Variants in FMNL2 observed in about 807,000 individuals in gnomAD.
FMNL2 encodes formin like 2.
FMNL2 carries 51 observed loss-of-function variants against 130.2 expected under a neutral mutation model. The observed-to-expected ratio is 0.39, with a 90% CI of 0.31 to 0.49. The LOEUF is 0.49. FMNL2 is among the 20% of genes least tolerant of loss of function. The pLI, the probability that FMNL2 is intolerant of heterozygous loss-of-function variation, is 0.85. For synonymous variants in FMNL2, 465 were observed against 467.1 expected (o/e 1.00, Z 0.06); for missense variants, 977 against 1,316.2 (o/e 0.74, Z 3.99).
chr2:152,643,833 T>G, intron 25 of FMNL2: 2 of 985,464 alleles, frequency 2.0e-6, no homozygotes, highest in South Asian at 4.7e-5. Context: ...TCTTTGAGAA[T>G]CAGTATTGGT....
At chr2:152,408,894 G>T (rs1410247577) in intron 1 of FMNL2, among the ~76,000 whole-genome samples, 5 of 152,178 alleles carry the variant, frequency 3.3e-5, no homozygotes, top group African/African-American at 9.7e-5. Flanking sequence ...TTGGAAAATT[G>T]TAAGTCAGGG....
chr2:152,608,869 G>T (rs886154823), intron 10 of FMNL2, among the ~76,000 whole-genome samples: 1 of 151,376 alleles, frequency 6.6e-6, no homozygotes, highest in African/African-American at 2.4e-5. Flanking sequence ...AAACAATTTG[G>T]ACATGATGCA....
At chr2:152,495,033 G>A (rs1054583386) in intron 1 of FMNL2, among the ~76,000 whole-genome samples, 1 of 152,176 alleles carries the variant, frequency 6.6e-6, no homozygotes, top group African/African-American at 2.4e-5. Context: ...GAAAAACTTT[G>A]CGTTGGGGAA....
At chr2:152,534,015 T>G (rs971564525) in intron 2 of FMNL2, among the ~76,000 whole-genome samples, 56 of 152,348 alleles carry the variant, frequency 3.7e-4, no homozygotes, top group Admixed American at 2.6e-4. Context: ...AGTTTTATAA[T>G]TAAACACTAT....
At chr2:152,605,033 C>T (rs945390727) in intron 9 of FMNL2, among the ~76,000 whole-genome samples, 5 of 152,022 alleles carry the variant, frequency 3.3e-5, no homozygotes, top group African/African-American at 1.2e-4. Flanking sequence ...TGACTGATGT[C>T]ATAGTCTAGG....
intron 1 of FMNL2, among the ~76,000 whole-genome samples, chr2:152,349,195 A>G (rs1682325854): frequency 6.6e-6 from 1 of 152,208 alleles, no homozygotes; most frequent in African/African-American, 2.4e-5. Flanking sequence ...GCTTGAAGTT[A>G]TATAAGAAGG....
intron 9 of FMNL2, among the ~76,000 whole-genome samples, chr2:152,584,068 G>T (rs569029905): frequency 6.6e-6 from 1 of 151,772 alleles, no homozygotes; most frequent in Admixed American, 6.6e-5. Flanking sequence ...ATGCAATGCC[G>T]CTCACAGCTC....
rs541739709 is a variant in FMNL2, at chr2:152,521,733, C to T, written c.118-210C>T. Among the ~76,000 whole-genome samples, 7 of 152,230 alleles carry T rather than the reference C, an allele frequency of 4.6e-5. No individual in the cohort carries two copies. The East Asian group carries it at 1.4e-3, about 29-fold the overall frequency. ...TCAAAGCAGATCATCTCACATGTCCCACCATAGAACTTCAGAATTTCCCGC... is the reference window on the plus strand; with the variant it reads ...TCAAAGCAGATCATCTCACATGTCCTACCATAGAACTTCAGAATTTCCCGC... On this transcript the variant is annotated intron_variant, in intron 1 of 25. Transcript: ENST00000288670.
chr2:152,507,497 A>T (rs984240463), intron 1 of FMNL2, among the ~76,000 whole-genome samples: 1 of 152,230 alleles, frequency 6.6e-6, no homozygotes, highest in Non-Finnish European at 1.5e-5. Flanking sequence ...ATCCTGCTAT[A>T]TAAAGCTTCT....
At chr2:152,490,069 A>G (rs1691059112) in intron 1 of FMNL2, among the ~76,000 whole-genome samples, 1 of 152,162 alleles carries the variant, frequency 6.6e-6, no homozygotes, top group African/African-American at 2.4e-5. Flanking sequence ...AGTTCTCTGT[A>G]ATATAGAAAA....
chr2:152,359,430 T>C (rs1469039578), intron 1 of FMNL2, among the ~76,000 whole-genome samples: 2 of 151,810 alleles, frequency 1.3e-5, no homozygotes, highest in Admixed American at 6.6e-5. Context: ...ATTGTTGTGC[T>C]ATATATTCAT....
At chr2:152,544,807 A>G (rs146266217) in intron 3 of FMNL2, among the ~76,000 whole-genome samples, 163 of 152,340 alleles carry the variant, frequency 1.1e-3, no homozygotes, top group African/African-American at 3.7e-3. Flanking sequence ...GAAGATGCTT[A>G]GAAGGAAGAG....
At chr2:152,482,385 C>G (rs985154076) in intron 1 of FMNL2, among the ~76,000 whole-genome samples, 1 of 152,090 alleles carries the variant, frequency 6.6e-6, no homozygotes, top group Admixed American at 6.5e-5. Context: ...TGTGAAATAG[C>G]ACATTTTTTT....
intron 25 of FMNL2, among the ~76,000 whole-genome samples, chr2:152,645,972 C>T (rs759419314): frequency 5.9e-5 from 9 of 152,144 alleles, no homozygotes; most frequent in Non-Finnish European, 1.2e-4. Flanking sequence ...CCAGTGTGGG[C>T]TAGGAAGCAG....
chr2:152,638,459 T>C (rs1269877306), intron 23 of FMNL2, among the ~76,000 whole-genome samples: 4 of 152,170 alleles, frequency 2.6e-5, no homozygotes, highest in Admixed American at 1.3e-4. Flanking sequence ...TTCTCCACAC[T>C]TTTGAGAAGT....
intron 6 of FMNL2, among the ~76,000 whole-genome samples, chr2:152,574,454 A>AAT (rs1696361087): frequency 6.9e-6 from 1 of 144,290 alleles, no homozygotes; most frequent in Non-Finnish European, 1.5e-5. Flanking sequence ...AAAAAAAAAA[A>AAT]GAAAAGAAAC....
rs1683857210 is a variant in FMNL2 at position 152,649,057 on chromosome 2, A to G, written c.*1152A>G. ...GACTGAAGCTAAATTTGTACTTTTC[A>G]TAATATACATTCTGCTTCTGGCTTA... On this transcript the variant is annotated 3_prime_UTR_variant, in exon 26 of 26. Coordinates refer to ENST00000288670, the MANE Select transcript of FMNL2 (RefSeq NM_052905.4). The G allele has an allele frequency of 6.6e-6, 1 of 152,646 alleles. No homozygotes were observed. Among genetic ancestry groups the G allele is most frequent in the African/African-American group, 2.4e-5 (1 of 41,460 alleles). The allele number at this position is 152,646 out of a possible 1,614,324, so 9.5% of individuals were successfully genotyped here. A position where few individuals can be genotyped will look rare whatever the true frequency, so the allele number is the denominator to read the frequency against.
chr2:152,468,268 G>C lies in FMNL2; in HGVS notation c.118-53675G>C, dbSNP rs1382861859. 2.6e-5 allele frequency among the ~76,000 whole-genome samples: 4 copies of C among 152,298 alleles called. No individual in the cohort carries two copies. In the East Asian group the frequency reaches 7.7e-4, roughly 29 times the overall value. ...GTTTCCTCAAAAGTGAGTGTGTATAGATCTAGGGCTGTGCCGTCCGATACA... is the reference window on the plus strand; with the variant it reads ...GTTTCCTCAAAAGTGAGTGTGTATACATCTAGGGCTGTGCCGTCCGATACA... On this transcript the variant is annotated intron_variant, in intron 1 of 25. Coordinates refer to ENST00000288670, the MANE Select transcript of FMNL2 (RefSeq NM_052905.4).
chr2:152,351,983 G>A lies in FMNL2; in HGVS notation c.117+16263G>A, dbSNP rs149213662. Among the ~76,000 whole-genome samples, 150 of 152,238 alleles carry A rather than the reference G, an allele frequency of 9.9e-4. 2 individuals carry two copies. The highest frequency in any genetic ancestry group is 3.4e-3 in the Middle Eastern group (1 of 294). ...AGCTCCTAGAAAGCAATTCTTATGC[G>A]TGTTAAAGTTTGAGAACCTTTAAGC... is the stretch of plus-strand genomic sequence containing the variant. On this transcript the variant is annotated intron_variant, in intron 1 of 25. Coordinates refer to ENST00000288670, the MANE Select transcript of FMNL2 (RefSeq NM_052905.4).
Sources: allele counts gnomAD v4.1 joint callset (sites outside exome capture counted in the v4.1 genomes callset), GRCh38; gene constraint gnomAD v4.1.1; transcripts MANE v1.5; gene names NCBI Gene and HGNC (gene_info 2026-07-23, HGNC 2026-07-21).